STXBP5L: variants seen among roughly 807,000 people sequenced by gnomAD.
STXBP5L encodes syntaxin binding protein 5L.
Under a neutral mutation model 144.5 loss-of-function variants are expected in STXBP5L, and 65 were observed. The ratio of observed to expected loss-of-function variants is 0.45; its 90% CI spans 0.37 to 0.55. STXBP5L has a LOEUF of 0.55. Ranked by LOEUF, STXBP5L falls within the 20% of genes least tolerant of loss-of-function variation. The probability of loss-of-function intolerance (pLI) is 0.00; values close to 1 mark genes in which losing one functional copy is unlikely to be tolerated. For synonymous variants in STXBP5L, 505 were observed against 469.6 expected (o/e 1.08, Z -0.97); for missense variants, 1,298 against 1,405.5 (o/e 0.92, Z 1.22).
At chr3:121,289,984 G>A (rs2051368038) in intron 19 of STXBP5L, among the ~76,000 whole-genome samples, 1 of 151,752 alleles carries the variant, frequency 6.6e-6, no homozygotes, top group Admixed American at 6.6e-5. Context: ...ACAATCTAAG[G>A]TCACACCTCA....
chr3:121,348,654 A>G (rs1190818295), intron 20 of STXBP5L, among the ~76,000 whole-genome samples: 1 of 152,024 alleles, frequency 6.6e-6, no homozygotes, highest in Non-Finnish European at 1.5e-5. Context: ...TGGTCTATTC[A>G]GAGATTCAAC....
chr3:121,026,820 C>T (rs997676906), intron 3 of STXBP5L, among the ~76,000 whole-genome samples: 2 of 151,752 alleles, frequency 1.3e-5, no homozygotes, highest in Non-Finnish European at 2.9e-5. Context: ...ACGTTGTGCA[C>T]ATGTACCCTA....
chr3:121,149,824 T>G (rs1277025109), intron 7 of STXBP5L, among the ~76,000 whole-genome samples: 1 of 152,120 alleles, frequency 6.6e-6, no homozygotes, highest in Admixed American at 6.6e-5. Context: ...TCCTTTGCTC[T>G]TGAATAAGGT....
intron 5 of STXBP5L, among the ~76,000 whole-genome samples, chr3:121,063,337 G>A (rs550547437): frequency 2.0e-5 from 3 of 152,198 alleles, no homozygotes; most frequent in African/African-American, 4.8e-5. Flanking sequence ...CTGCAGAACA[G>A]CAAAGATTGC....
At chr3:121,238,122 C>G (rs2049542856) in intron 12 of STXBP5L, among the ~76,000 whole-genome samples, 1 of 152,114 alleles carries the variant, frequency 6.6e-6, no homozygotes, top group Non-Finnish European at 1.5e-5. Flanking sequence ...CTCCTTAGTA[C>G]TAATTTTCTG....
chr3:121,351,910 A>T (rs1331856984), intron 20 of STXBP5L, among the ~76,000 whole-genome samples: 2 of 152,134 alleles, frequency 1.3e-5, no homozygotes, highest in Admixed American at 6.5e-5. Context: ...ATGGCTAGCC[A>T]GTTTTCCCAG....
intron 23 of STXBP5L, among the ~76,000 whole-genome samples, chr3:121,410,129 T>C (rs942910827): frequency 6.6e-6 from 1 of 151,930 alleles, no homozygotes; most frequent in Non-Finnish European, 1.5e-5. Flanking sequence ...TCTGATAAGG[T>C]CATTTCAATC....
At chr3:121,252,968 T>C (rs2050075831) in intron 15 of STXBP5L, among the ~76,000 whole-genome samples, 1 of 152,162 alleles carries the variant, frequency 6.6e-6, no homozygotes, top group African/African-American at 2.4e-5. Context: ...AGCAAGAGTG[T>C]CTCTTTACCT....
chr3:121,179,112 C>T (rs1357887954), intron 9 of STXBP5L, among the ~76,000 whole-genome samples: 1 of 151,704 alleles, frequency 6.6e-6, no homozygotes, highest in Non-Finnish European at 1.5e-5. Context: ...AGGATACCTC[C>T]CCACATCAAC....
At chr3:121,102,418 G>T (rs906396607) in intron 5 of STXBP5L, among the ~76,000 whole-genome samples, 1 of 151,938 alleles carries the variant, frequency 6.6e-6, no homozygotes, top group Admixed American at 6.6e-5. Flanking sequence ...CACACCTACA[G>T]CCATCTGATC....
chr3:121,358,795 T>A (rs374384129), intron 20 of STXBP5L, among the ~76,000 whole-genome samples: 5 of 152,240 alleles, frequency 3.3e-5, no homozygotes, highest in Admixed American at 6.5e-5. Flanking sequence ...TCCAGTTCCA[T>A]CTATCTTGTT....
At position 120,998,697 on chromosome 3, in the gene STXBP5L, A is replaced by T. The variant is rs79848737; in HGVS notation, c.288-43003A>T. ...TAAGATACAAAAATTGATGTTCAAA[A>T]ATCAATAGCATTCCTATACACCAAA... On this transcript the variant is annotated intron_variant, in intron 3 of 26. Coordinates refer to ENST00000471454, the MANE Select transcript of STXBP5L (RefSeq NM_001308330.2). Among the ~76,000 whole-genome samples the T allele has an allele frequency of 6.7e-3, 1,021 of 152,248 alleles. 6 individuals carry two copies. The highest frequency in any genetic ancestry group is 0.013 in the South Asian group (62 of 4,828).
intron 5 of STXBP5L, among the ~76,000 whole-genome samples, chr3:121,092,344 C>G (rs1014576743): frequency 3.3e-5 from 5 of 152,056 alleles, no homozygotes; most frequent in Admixed American, 6.6e-5. Context: ...GGCATTGAAT[C>G]TATAAATTAC....
intron 9 of STXBP5L, 105 bp downstream of exon 9, chr3:121,157,732 A>G (rs2046171844): frequency 1.8e-5 from 26 of 1,446,946 alleles, no homozygotes; most frequent in Non-Finnish European, 2.4e-5. Flanking sequence ...GTAATAGGAC[A>G]TAGCTTCTGG....
chr3:121,152,464 T>C lies in STXBP5L; in HGVS notation c.670-13T>C, dbSNP rs767626505. The C allele has an allele frequency of 1.3e-6, 2 of 1,571,216 alleles. No individual in the cohort carries two copies. Among genetic ancestry groups the C allele is most frequent in the South Asian group, 1.1e-5 (1 of 87,272 alleles). ...GTTAGAATTAAGAAAATGATTGTTC[T>C]AATGTTTTCCAGCTGCTAATAGGTT... On this transcript the variant is annotated splice_polypyrimidine_tract_variant and intron_variant, in intron 7 of 26. Transcript: ENST00000471454.
chr3:121,012,277 T>C (rs567669007), intron 3 of STXBP5L, among the ~76,000 whole-genome samples: 2 of 152,038 alleles, frequency 1.3e-5, no homozygotes, highest in African/African-American at 4.8e-5. Context: ...TATGAACATT[T>C]GTGCACAGGC....
intron 5 of STXBP5L, among the ~76,000 whole-genome samples, chr3:121,048,250 C>T (rs1025736094): frequency 6.6e-6 from 1 of 152,088 alleles, no homozygotes; most frequent in Non-Finnish European, 1.5e-5. Flanking sequence ...TTGTAGGTGA[C>T]ATGCCCCTTC....
chr3:121,198,668 G>T (rs890179575), intron 9 of STXBP5L, among the ~76,000 whole-genome samples: 1 of 152,152 alleles, frequency 6.6e-6, no homozygotes, highest in African/African-American at 2.4e-5. Context: ...TGTATAAGGT[G>T]TAAGGAGTAG....
In STXBP5L at chr3:121,417,450, T is replaced by G. The variant is rs575332097; in HGVS notation, c.3227-887T>G. ...AACTAAATTTCTGCCAAAATAGCTG[T>G]TTTTTTTTCCTTAAAAATAAAAATA... On this transcript the variant is annotated intron_variant, in intron 25 of 26. Coordinates refer to ENST00000471454, the MANE Select transcript of STXBP5L (RefSeq NM_001308330.2). Among the ~76,000 whole-genome samples, 95 of 150,014 alleles carry G rather than the reference T, an allele frequency of 6.3e-4. 1 individual carries two copies. The highest frequency in any genetic ancestry group is 1.1e-3 in the Non-Finnish European group (73 of 67,460).
Sources: gnomAD v4.1 joint callset for allele counts (sites outside exome capture counted in the v4.1 genomes callset) on GRCh38, gnomAD v4.1.1 for gene constraint, MANE v1.5 for transcripts, NCBI Gene and HGNC (gene_info 2026-07-23, HGNC 2026-07-21) for gene names.